THSD7B: variants seen among roughly 807,000 people sequenced by gnomAD.
THSD7B encodes thrombospondin type 1 domain containing 7B.
A neutral mutation model predicts 213.6 loss-of-function variants in THSD7B; 138 were observed. The ratio of observed to expected loss-of-function variants is 0.65; its 90% CI spans 0.56 to 0.74. THSD7B has a LOEUF of 0.74. THSD7B is among the 30% of genes least tolerant of loss of function. The pLI is 0.00. For synonymous variants in THSD7B, 742 were observed against 687.0 expected (o/e 1.08, Z -1.25); for missense variants, 1,931 against 1,991.5 (o/e 0.97, Z 0.58).
chr2:137,136,240 G>A (rs2104959205), intron 5 of THSD7B, among the ~76,000 whole-genome samples: 1 of 152,270 alleles, frequency 6.6e-6, no homozygotes, highest in Non-Finnish European at 1.5e-5. Context: ...CAAGGCACAT[G>A]TATGCCTGTG....
chr2:136,964,264 G>A (rs1052307387), intron 2 of THSD7B, among the ~76,000 whole-genome samples: 1 of 151,980 alleles, frequency 6.6e-6, no homozygotes, highest in Admixed American at 6.6e-5. Flanking sequence ...ATCCTTTTAG[G>A]ATTAGGAAAT....
chr2:136,991,054 A>G lies in THSD7B; in HGVS notation c.140-65366A>G, dbSNP rs1685772525. The G allele has an allele frequency of 6.0e-6, 5 of 835,870 alleles. No individual in the cohort carries two copies. In the Admixed American group the frequency reaches 1.4e-4, roughly 23 times the overall value. 51.8% of individuals were successfully genotyped at this position (835,870 alleles called of 1,614,324 possible). ...AGAAAGAAAGATGGTTATGTGTTAA[A>G]TAAAAAGGACCTGGACAAATGAAGT... On this transcript the variant is annotated intron_variant, in intron 2 of 27. Coordinates refer to ENST00000409968, the MANE Select transcript of THSD7B (RefSeq NM_001316349.2).
intron 15 of THSD7B, among the ~76,000 whole-genome samples, chr2:137,470,176 G>T (rs1688066071): frequency 1.3e-5 from 2 of 152,106 alleles, no homozygotes; most frequent in African/African-American, 4.8e-5. Context: ...GAAGGTTCAA[G>T]TTTCACTTTC....
intron 12 of THSD7B, among the ~76,000 whole-genome samples, chr2:137,288,139 ACT>A (rs1419906385): frequency 1.3e-5 from 2 of 152,028 alleles, no homozygotes; most frequent in Non-Finnish European, 2.9e-5. Context: ...AAGGACTAAC[ACT>A]CTTTCCAGGC....
chr2:137,528,630 T>C (rs1449825539), intron 15 of THSD7B, among the ~76,000 whole-genome samples: 1 of 152,062 alleles, frequency 6.6e-6, no homozygotes, highest in Non-Finnish European at 1.5e-5. Flanking sequence ...CAAAACCTCC[T>C]AGAAGTGGGC....
At chr2:137,310,576 G>A (rs1683875082) in intron 12 of THSD7B, among the ~76,000 whole-genome samples, 1 of 151,482 alleles carries the variant, frequency 6.6e-6, no homozygotes, top group Non-Finnish European at 1.5e-5. Flanking sequence ...TGAAGTCCTT[G>A]CCCGTGCCTA....
At chr2:137,026,529 A>G (rs1353780080) in intron 2 of THSD7B, among the ~76,000 whole-genome samples, 2 of 152,146 alleles carry the variant, frequency 1.3e-5, no homozygotes, top group African/African-American at 4.8e-5. Context: ...CTTTGGCAAT[A>G]AATTTCCCTC....
In THSD7B at chr2:137,623,327, C is replaced by T. The variant is rs929557660; in HGVS notation, c.3799+2601C>T. Among the ~76,000 whole-genome samples the T allele has an allele frequency of 6.9e-4, 105 of 152,230 alleles. 1 individual carries two copies. The highest frequency in any genetic ancestry group is 6.2e-4 in the Non-Finnish European group (42 of 68,018). ...TAAACTAGGTATTGATGGGACATAT[C>T]TCAAAATAATAAGAGCTATTTATGA... On this transcript the variant is annotated intron_variant, in intron 20 of 27. Coordinates refer to ENST00000409968, the MANE Select transcript of THSD7B (RefSeq NM_001316349.2).
At chr2:137,106,084 C>T (rs1688242285) in intron 4 of THSD7B, among the ~76,000 whole-genome samples, 1 of 152,096 alleles carries the variant, frequency 6.6e-6, no homozygotes, top group Non-Finnish European at 1.5e-5. Context: ...CCCATATAGC[C>T]AAGAGATATC....
chr2:137,003,399 A>T (rs1686038918), intron 2 of THSD7B, among the ~76,000 whole-genome samples: 1 of 152,194 alleles, frequency 6.6e-6, no homozygotes, highest in Non-Finnish European at 1.5e-5. Context: ...CTGTAACAGA[A>T]AGTAGAGATA....
intron 2 of THSD7B, among the ~76,000 whole-genome samples, chr2:136,972,847 G>T (rs1473564515): frequency 6.6e-6 from 1 of 152,002 alleles, no homozygotes; most frequent in Non-Finnish European, 1.5e-5. Context: ...CCTTTTTGGG[G>T]GTGTGGGGGC....
chr2:137,222,774 A>C (rs1550083), intron 7 of THSD7B, among the ~76,000 whole-genome samples: 90,759 of 151,970 alleles, frequency 0.6, 27,518 homozygotes, highest in South Asian at 0.71. Flanking sequence ...CTTTGTAAAT[A>C]CCACATAGCT....
intron 2 of THSD7B, among the ~76,000 whole-genome samples, chr2:136,971,150 A>G (rs1290574076): frequency 6.6e-6 from 1 of 152,190 alleles, no homozygotes; most frequent in African/African-American, 2.4e-5. Context: ...GAAGTCTGTG[A>G]TGGGCGGTTA....
chr2:137,276,889 T>A (rs751582444), intron 12 of THSD7B, among the ~76,000 whole-genome samples: 2 of 152,064 alleles, frequency 1.3e-5, no homozygotes, highest in Non-Finnish European at 2.9e-5. Context: ...GTCAAAAAAT[T>A]TACAGATGAA....
At chr2:137,301,947 A>G (rs1041089958) in intron 12 of THSD7B, among the ~76,000 whole-genome samples, 8 of 152,052 alleles carry the variant, frequency 5.3e-5, no homozygotes, top group Non-Finnish European at 1.2e-4. Flanking sequence ...GGTTAAGTGG[A>G]TAAGAGACTA....
chr2:137,399,340 G>A (rs944489470), intron 12 of THSD7B, among the ~76,000 whole-genome samples: 11 of 151,940 alleles, frequency 7.2e-5, no homozygotes, highest in South Asian at 4.1e-4. Flanking sequence ...TTACAGGTAT[G>A]CGCAGCCACG....
intron 12 of THSD7B, among the ~76,000 whole-genome samples, chr2:137,357,276 T>A (rs1685154352): frequency 6.6e-6 from 1 of 152,122 alleles, no homozygotes; most frequent in Admixed American, 6.6e-5. Context: ...AAGATATATT[T>A]CCCTATTCGA....
chr2:137,022,690 A>T (rs891001301), intron 2 of THSD7B, among the ~76,000 whole-genome samples: 1 of 152,058 alleles, frequency 6.6e-6, no homozygotes, highest in Non-Finnish European at 1.5e-5. Flanking sequence ...GGTAGATCAC[A>T]CTTTCTGTTG....
At chr2:137,494,654 G>T (rs1385115915) in intron 15 of THSD7B, among the ~76,000 whole-genome samples, 5 of 152,020 alleles carry the variant, frequency 3.3e-5, no homozygotes, top group Admixed American at 3.3e-4. Context: ...TACTCTTATT[G>T]AATGTTTTTA....
Sources: allele counts gnomAD v4.1 joint callset (sites outside exome capture counted in the v4.1 genomes callset), GRCh38; gene constraint gnomAD v4.1.1; transcripts MANE v1.5; gene names NCBI Gene and HGNC (gene_info 2026-07-23, HGNC 2026-07-21).